SH3PXD2A: variants seen among roughly 807,000 people sequenced by gnomAD.
The protein encoded by SH3PXD2A is SH3 and PX domain-containing protein 2A.
A neutral mutation model predicts 115.2 loss-of-function variants in SH3PXD2A; 32 were observed. The ratio of observed to expected loss-of-function variants is 0.28; its 90% confidence interval spans 0.21 to 0.37. The LOEUF (loss-of-function observed/expected upper bound fraction) is 0.37. SH3PXD2A is among the 10% of genes least tolerant of loss of function. SH3PXD2A has a pLI of 1.00. For missense variants in SH3PXD2A, 1,328 were observed against 1,498.7 expected, an observed-to-expected ratio of 0.89 and a Z score of 1.88; for synonymous variants, 610 against 629.1, an observed-to-expected ratio of 0.97 and a Z score of 0.45.
intron 1 of SH3PXD2A, among the ~76,000 whole-genome samples, chr10:103,814,987 G>C (rs2039309649): frequency 1.0e-5 from 1 of 99,972 alleles, no homozygotes; most frequent in Non-Finnish European, 2.5e-5. Context: ...AGGCCAACTG[G>C]GGAGGTGGGG....
At chr10:103,777,065 A>C (rs748307181) in intron 2 of SH3PXD2A, among the ~76,000 whole-genome samples, 4 of 152,264 alleles carry the variant, frequency 2.6e-5, no homozygotes, top group Non-Finnish European at 4.4e-5. Context: ...ATAAATCGTG[A>C]ATAGCTAGGC....
intron 5 of SH3PXD2A, among the ~76,000 whole-genome samples, chr10:103,722,176 T>A (rs2038190305): frequency 6.6e-6 from 1 of 151,808 alleles, no homozygotes; most frequent in African/African-American, 2.4e-5. Flanking sequence ...TGGTAGCATG[T>A]GCCTGTAATC....
At chr10:103,710,701 G>A (rs1483358760) in intron 5 of SH3PXD2A, among the ~76,000 whole-genome samples, 1 of 152,164 alleles carries the variant, frequency 6.6e-6, no homozygotes. Context: ...TATGCCACAA[G>A]TGAGACGTCC....
At chr10:103,851,651 C>T (rs970031047) in intron 1 of SH3PXD2A, among the ~76,000 whole-genome samples, 1 of 152,180 alleles carries the variant, frequency 6.6e-6, no homozygotes, top group African/African-American at 2.4e-5. Context: ...AAAACAGAAT[C>T]CAAAAACCTA....
chr10:103,669,600 G>A (rs1428288942), intron 6 of SH3PXD2A, among the ~76,000 whole-genome samples: 1 of 152,224 alleles, frequency 6.6e-6, no homozygotes, highest in Non-Finnish European at 1.5e-5. Context: ...AAGTGGGTAG[G>A]CATGTTTAGC....
intron 1 of SH3PXD2A, among the ~76,000 whole-genome samples, chr10:103,851,843 C>G (rs1179342547): frequency 1.3e-5 from 2 of 152,144 alleles, no homozygotes; most frequent in Non-Finnish European, 1.5e-5. Flanking sequence ...GGAAATAAAA[C>G]AACTGTGAAA....
In SH3PXD2A at chr10:103,600,638, C is replaced by G. The variant is rs1215172788; in HGVS notation, c.*1178G>C. ...AAGTCTGGCTCCTGAACACCCTCCT[C>G]CTTCCTGGGGAGGGTTTTTGCCCCT... is the stretch of plus-strand genomic sequence containing the variant. On this transcript the variant is annotated 3_prime_UTR_variant, in exon 15 of 15. Transcript: ENST00000369774. 6 of 152,238 alleles carry G rather than the reference C, an allele frequency of 3.9e-5. No homozygotes were observed. Among genetic ancestry groups the G allele is most frequent in the Non-Finnish European group, 7.3e-5 (5 of 68,042 alleles). The allele number at this position is 152,238 out of a possible 1,614,324, so 9.4% of individuals were successfully genotyped here.
At chr10:103,690,959 C>T (rs766879234) in intron 6 of SH3PXD2A, among the ~76,000 whole-genome samples, 1 of 152,172 alleles carries the variant, frequency 6.6e-6, no homozygotes, top group Non-Finnish European at 1.5e-5. Context: ...CATCCTTTTC[C>T]TGGCGTGAGA....
chr10:103,696,904 C>G (rs1022635937), intron 5 of SH3PXD2A, among the ~76,000 whole-genome samples: 1 of 152,190 alleles, frequency 6.6e-6, no homozygotes, highest in Non-Finnish European at 1.5e-5. Flanking sequence ...GATGGGTGAT[C>G]TCCTGTGGTC....
chr10:103,638,269 G>C (rs2036896462), intron 8 of SH3PXD2A, among the ~76,000 whole-genome samples: 1 of 152,216 alleles, frequency 6.6e-6, no homozygotes, highest in African/African-American at 2.4e-5. Flanking sequence ...AAGACCATTA[G>C]CACAGGCTGC....
chr10:103,718,004 G>GT (rs1384220534), intron 5 of SH3PXD2A, among the ~76,000 whole-genome samples: 5 of 76,820 alleles, frequency 6.5e-5, no homozygotes, highest in Middle Eastern at 6.4e-3. Context: ...TGGCTTCCAT[G>GT]TGTCTTTTTT....
At chr10:103,820,048 C>T (rs1393240569) in intron 1 of SH3PXD2A, among the ~76,000 whole-genome samples, 2 of 152,108 alleles carry the variant, frequency 1.3e-5, no homozygotes, top group Non-Finnish European at 2.9e-5. Context: ...GTGACTAAGA[C>T]CCTGAGGCAT....
At chr10:103,806,089 T>C (rs886547891) in intron 1 of SH3PXD2A, among the ~76,000 whole-genome samples, 2 of 152,186 alleles carry the variant, frequency 1.3e-5, no homozygotes, top group African/African-American at 4.8e-5. Context: ...GCTAACATCT[T>C]GCACCCTACT....
At chr10:103,827,755 G>A (rs960013674) in intron 1 of SH3PXD2A, among the ~76,000 whole-genome samples, 1 of 152,162 alleles carries the variant, frequency 6.6e-6, no homozygotes, top group African/African-American at 2.4e-5. Context: ...TTTGAAGGAG[G>A]GGCTATGCCA....
Position 103,602,135 on chromosome 10 carries a change from G to A in SH3PXD2A, c.3083C>T (p.Ala1028Val), listed in dbSNP as rs1392063287. 8 of 1,579,946 alleles carry A rather than the reference G, an allele frequency of 5.1e-6. No individual in the cohort carries two copies. The highest frequency in any genetic ancestry group is 6.9e-6 in the Non-Finnish European group (8 of 1,160,810). The change falls in exon 15 of 15, where the codon GCC (alanine) becomes GTC (valine). Residue 1028 changes from alanine to valine, a missense_variant. This residue lies in a region of SH3PXD2A where 574 missense variants were observed against 565.7 expected (regional missense o/e 1.01). Coordinates refer to ENST00000369774, the MANE Select transcript of SH3PXD2A (RefSeq NM_001394015.1). ...FSTARSAAAE[A>V]KGRLAERAAS... ...AGCCCGTTCGGCCAGGCGGCCCTTG[G>A]CCTCGGCGGCAGCGGAGCGAGCAGT...
At chr10:103,767,043 T>C in intron 3 of SH3PXD2A, 51 bp downstream of exon 3, 1 of 1,374,908 alleles carries the variant, frequency 7.3e-7, no homozygotes, top group Non-Finnish European at 1.0e-6. Flanking sequence ...AGGGAAGGAC[T>C]GGTCCTTCCC....
chr10:103,789,025 T>C (rs1317643537), intron 2 of SH3PXD2A, among the ~76,000 whole-genome samples: 1 of 152,218 alleles, frequency 6.6e-6, no homozygotes, highest in African/African-American at 2.4e-5. Context: ...ACCACACTGG[T>C]GGCAGATTGC....
chr10:103,641,713 C>T (rs2036958149), intron 8 of SH3PXD2A, among the ~76,000 whole-genome samples: 1 of 152,154 alleles, frequency 6.6e-6, no homozygotes. Context: ...TTGGAAGAGT[C>T]GAGGGTGTGG....
At chr10:103,850,563 C>T (rs1477939797) in intron 1 of SH3PXD2A, among the ~76,000 whole-genome samples, 3 of 152,120 alleles carry the variant, frequency 2.0e-5, no homozygotes, top group African/African-American at 4.8e-5. Flanking sequence ...TTGCCCTTAC[C>T]CAGAGCAACC....
Sources: gnomAD v4.1 joint callset for allele counts (sites outside exome capture counted in the v4.1 genomes callset) on GRCh38, gnomAD v4.1.1 for gene constraint, gnomAD v4.1.1 regional missense constraint, MANE v1.5 for transcripts, NCBI Gene and HGNC (gene_info 2026-07-23, HGNC 2026-07-21) for gene names.